Variants in RTN3 observed in about 807,000 individuals in gnomAD.
RTN3 encodes the protein reticulon 3.
In RTN3, 49 loss-of-function variants were observed where a neutral mutation model predicts 77.8. The observed-to-expected ratio is 0.63, with a 90% CI of 0.50 to 0.80. The LOEUF (loss-of-function observed/expected upper bound fraction) is 0.80, where lower values mean the gene tolerates loss of function less well. Among genes scored for constraint, RTN3 ranks in the 30% least tolerant of loss-of-function variants. The probability of loss-of-function intolerance (pLI) is 0.00; values close to 1 mark genes in which losing one functional copy is unlikely to be tolerated. For synonymous variants in RTN3, 464 were observed against 446.9 expected, an observed-to-expected ratio of 1.04 and a Z score of -0.48; for missense variants, 1,236 against 1,211.9, an observed-to-expected ratio of 1.02 and a Z score of -0.29.
intron 3 of RTN3, among the ~76,000 whole-genome samples, chr11:63,737,906 G>A (rs1429462014): frequency 5.9e-5 from 9 of 152,196 alleles, no homozygotes; most frequent in Admixed American, 1.3e-4. Flanking sequence ...TGACAGCTTT[G>A]TATTCTGTCA....
At chr11:63,748,775 C>G (rs920854103) in intron 3 of RTN3, among the ~76,000 whole-genome samples, 14 of 150,268 alleles carry the variant, frequency 9.3e-5, no homozygotes, top group Non-Finnish European at 2.1e-4. Context: ...TCAAGCGATT[C>G]TCCTACCTCA....
chr11:63,722,229 A>G (rs1204693504), intron 3 of RTN3, among the ~76,000 whole-genome samples: 1 of 152,220 alleles, frequency 6.6e-6, no homozygotes, highest in East Asian at 1.9e-4. Flanking sequence ...TTTTTAAACT[A>G]TTTGATTATA....
intron 3 of RTN3, among the ~76,000 whole-genome samples, chr11:63,734,884 T>C (rs1307961966): frequency 1.3e-5 from 2 of 152,078 alleles, no homozygotes; most frequent in African/African-American, 4.8e-5. Context: ...GCAGATGACA[T>C]GATTGTTTAC....
chr11:63,682,396 C>A (rs1020618831), intron 1 of RTN3, among the ~76,000 whole-genome samples: 8 of 151,818 alleles, frequency 5.3e-5, no homozygotes, highest in African/African-American at 1.9e-4. Flanking sequence ...TCTGAGGCTC[C>A]GAGGTAGAAG....
In RTN3 at chr11:63,752,366, C is replaced by T. The variant is rs2014150647; in HGVS notation, c.2739-141C>T. The T allele has an allele frequency of 7.1e-6, 5 of 709,132 alleles. No individual in the cohort carries two copies. The Admixed American group carries it at 9.8e-5, about 14-fold the overall frequency. 43.9% of individuals were successfully genotyped at this position (709,132 alleles called of 1,614,324 possible). A position where few individuals can be genotyped will look rare whatever the true frequency, so the allele number is the denominator to read the frequency against. On this transcript the variant is annotated intron_variant, in intron 4 of 8. Transcript: ENST00000377819. ...CCCACTAAATGACAGTGTGTCTCCACCCCACCTGATGACAACAAAAAAATG... is the reference window on the plus strand; with the variant it reads ...CCCACTAAATGACAGTGTGTCTCCATCCCACCTGATGACAACAAAAAAATG...
At chr11:63,743,566 G>T (rs1337473353) in intron 3 of RTN3, among the ~76,000 whole-genome samples, 2 of 152,138 alleles carry the variant, frequency 1.3e-5, no homozygotes, top group Non-Finnish European at 2.9e-5. Flanking sequence ...TCATGATGTA[G>T]TATTGCGTTT....
rs767028280 is a variant in RTN3, at chr11:63,758,686, C to T, written c.*485C>T. 4.5e-5 allele frequency: 13 copies of T among 287,166 alleles called. No individual in the cohort carries two copies. Among genetic ancestry groups the T allele is most frequent in the African/African-American group, 6.5e-5 (3 of 46,112 alleles). 17.8% of individuals were successfully genotyped at this position (287,166 alleles called of 1,614,324 possible). On this transcript the variant is annotated 3_prime_UTR_variant, in exon 9 of 9. Coordinates refer to ENST00000377819, the MANE Select transcript of RTN3 (RefSeq NM_001265589.2). Reference sequence around the variant, plus strand: ...TTTTGCAGCCCTCAAATCCTATCTTCCTGCCCCACAATGTGAGCAGCTACC... The same window carrying T: ...TTTTGCAGCCCTCAAATCCTATCTTTCTGCCCCACAATGTGAGCAGCTACC...
At chr11:63,733,905 A>G (rs2012881820) in intron 3 of RTN3, among the ~76,000 whole-genome samples, 1 of 151,992 alleles carries the variant, frequency 6.6e-6, no homozygotes, top group Non-Finnish European at 1.5e-5. Context: ...AGAAAAAAAA[A>G]CACCACATAC....
rs1590838354 is a variant in RTN3, at chr11:63,721,175, A to G, written c.2530+143A>G. The G allele has an allele frequency of 1.1e-5, 7 of 664,892 alleles. No individual in the cohort carries two copies. In the South Asian group the frequency reaches 1.7e-4, roughly 16 times the overall value. The allele number at this position is 664,892 out of a possible 1,614,324, so 41.2% of individuals were successfully genotyped here. A position where few individuals can be genotyped will look rare whatever the true frequency, so the allele number is the denominator to read the frequency against. On this transcript the variant is annotated intron_variant, in intron 3 of 8. Transcript: ENST00000377819. ...ATATGCTGTATGATGGGAAAGGCAG[A>G]TTCTTCTCCTGTCTTTTTTTAAATG... is the stretch of plus-strand genomic sequence containing the variant.
At chr11:63,745,362 C>G (rs2135028065) in intron 3 of RTN3, among the ~76,000 whole-genome samples, 1 of 152,236 alleles carries the variant, frequency 6.6e-6, no homozygotes, top group South Asian at 2.1e-4. Flanking sequence ...CTGTGAAGAG[C>G]CTGCTACAAA....
intron 1 of RTN3, among the ~76,000 whole-genome samples, chr11:63,683,230 C>A (rs1311742071): frequency 6.6e-6 from 1 of 152,130 alleles, no homozygotes; most frequent in Non-Finnish European, 1.5e-5. Flanking sequence ...AAATTTAGAA[C>A]CCTGTCTCCT....
At chr11:63,687,562 A>G (rs907312941) in intron 1 of RTN3, among the ~76,000 whole-genome samples, 3 of 151,986 alleles carry the variant, frequency 2.0e-5, no homozygotes, top group Non-Finnish European at 4.4e-5. Flanking sequence ...GTGAGCCAAG[A>G]TAGCGCCATT....
chr11:63,681,527 G>A lies in RTN3; in HGVS notation c.-110G>A, dbSNP rs1400785823. On this transcript the variant is annotated 5_prime_UTR_variant, in exon 1 of 9. Transcript: ENST00000377819. ...TCTGTCGGAGTCTGTCCTCGGAGCA[G>A]GCGGAGTAAAGGGACTTGAGCGAGC... 2 of 1,164,546 alleles carry A rather than the reference G, an allele frequency of 1.7e-6. No individual in the cohort carries two copies. Among genetic ancestry groups the A allele is most frequent in the East Asian group, 5.5e-5 (2 of 36,504 alleles). The allele number at this position is 1,164,546 out of a possible 1,614,324, so 72.1% of individuals were successfully genotyped here.
intron 3 of RTN3, among the ~76,000 whole-genome samples, chr11:63,742,983 C>T (rs998395198): frequency 1.1e-4 from 17 of 152,162 alleles, no homozygotes; most frequent in Admixed American, 1.0e-3. Context: ...TGGGTTCAAG[C>T]GATTCTTCTG....
intron 3 of RTN3, among the ~76,000 whole-genome samples, chr11:63,724,200 T>TG (rs1159638519): frequency 1.7e-4 from 24 of 144,362 alleles, no homozygotes; most frequent in Non-Finnish European, 4.5e-5. Context: ...TTTTTTTTTT[T>TG]GAGACAGAGT....
chr11:63,702,229 T>C (rs1023764643), intron 1 of RTN3, among the ~76,000 whole-genome samples: 1 of 152,142 alleles, frequency 6.6e-6, no homozygotes, highest in Admixed American at 6.5e-5. Flanking sequence ...TTATTCTTTT[T>C]TCATCATTTT....
intron 3 of RTN3, among the ~76,000 whole-genome samples, chr11:63,744,628 C>T (rs2013690261): frequency 6.6e-6 from 1 of 152,028 alleles, no homozygotes; most frequent in Admixed American, 6.6e-5. Context: ...GCTTTGTTGT[C>T]CACATGTCAT....
chr11:63,734,883 A>G (rs997886443), intron 3 of RTN3, among the ~76,000 whole-genome samples: 1 of 152,194 alleles, frequency 6.6e-6, no homozygotes, highest in Non-Finnish European at 1.5e-5. Flanking sequence ...TGCAGATGAC[A>G]TGATTGTTTA....
At chr11:63,731,883 C>T (rs1482412938) in intron 3 of RTN3, among the ~76,000 whole-genome samples, 2 of 152,062 alleles carry the variant, frequency 1.3e-5, no homozygotes, top group African/African-American at 4.8e-5. Flanking sequence ...GATCTCTTGA[C>T]CTTGTGATCC....
Sources: gnomAD v4.1 joint callset for allele counts (sites outside exome capture counted in the v4.1 genomes callset) on GRCh38, gnomAD v4.1.1 for gene constraint, MANE v1.5 for transcripts, NCBI Gene and HGNC (gene_info 2026-07-23, HGNC 2026-07-21) for gene names.